Variants in DSE observed in about 807,000 individuals in gnomAD.
DSE encodes dermatan-sulfate epimerase.
A neutral mutation model predicts 84.4 loss-of-function variants in DSE; 36 were observed. That is an observed-to-expected ratio of 0.43 (90% CI 0.33 to 0.56). DSE has a LOEUF of 0.56. DSE is among the 20% of genes least tolerant of loss of function. DSE has a pLI of 0.06. For missense variants in DSE, 862 were observed against 1,169.6 expected, an observed-to-expected ratio of 0.74 and a Z score of 3.84; for synonymous variants, 410 against 430.1, an observed-to-expected ratio of 0.95 and a Z score of 0.58.
chr6:116,434,173 C>T (rs923274840), intron 5 of DSE, among the ~76,000 whole-genome samples: 7 of 151,954 alleles, frequency 4.6e-5, no homozygotes, highest in Non-Finnish European at 1.5e-5. Context: ...TCTTTTAAGC[C>T]CAGAAAGAGA....
intron 2 of DSE, among the ~76,000 whole-genome samples, chr6:116,295,262 G>A (rs566252792): frequency 2.0e-5 from 3 of 152,204 alleles, no homozygotes; most frequent in Non-Finnish European, 2.9e-5. Context: ...AAGGTGTGGA[G>A]GGTTGTGGGG....
chr6:116,328,943 A>C (rs1027190066), intron 2 of DSE, among the ~76,000 whole-genome samples: 2 of 152,104 alleles, frequency 1.3e-5, no homozygotes, highest in African/African-American at 4.8e-5. Context: ...ATAAAATAAT[A>C]ATAAAAGCCA....
At chr6:116,419,004 T>G (rs1011865855) in intron 2 of DSE, among the ~76,000 whole-genome samples, 6 of 152,158 alleles carry the variant, frequency 3.9e-5, no homozygotes, top group African/African-American at 7.2e-5. Flanking sequence ...CTCCTTTCCC[T>G]CCCTGTGCAT....
chr6:116,335,764 C>T (rs1016364717), intron 2 of DSE, among the ~76,000 whole-genome samples: 1 of 152,184 alleles, frequency 6.6e-6, no homozygotes, highest in Admixed American at 6.5e-5. Flanking sequence ...GCATAAGTTA[C>T]TACAAGTCAC....
chr6:116,273,103 T>C, intron 2 of DSE, among the ~76,000 whole-genome samples: 1 of 152,240 alleles, frequency 6.6e-6, no homozygotes, highest in East Asian at 1.9e-4. Flanking sequence ...GAGTAGTTTA[T>C]TTTGGGAAAT....
At chr6:116,299,551 T>TATATAC (rs1554209343) in intron 2 of DSE, among the ~76,000 whole-genome samples, 4 of 53,674 alleles carry the variant, frequency 7.5e-5, no homozygotes, top group African/African-American at 5.0e-4. Context: ...TATATATATA[T>TATATAC]ACACATACAC....
chr6:116,346,940 A>G (rs1227063452), intron 2 of DSE, among the ~76,000 whole-genome samples: 1 of 152,210 alleles, frequency 6.6e-6, no homozygotes, highest in African/African-American at 2.4e-5. Flanking sequence ...TACAAAATCA[A>G]TATGCAAAAA....
intron 2 of DSE, chr6:116,259,217 A>G (rs1466459507): frequency 1.6e-6 from 1 of 624,962 alleles, no homozygotes; most frequent in Non-Finnish European, 2.8e-6. Context: ...AAGGAAAAAT[A>G]AAAGGAAAGT....
At chr6:116,374,110 A>G (rs1295985216) in intron 1 of DSE, among the ~76,000 whole-genome samples, 1 of 151,990 alleles carries the variant, frequency 6.6e-6, no homozygotes. Context: ...TGTGTTGCTT[A>G]CTTCTGCCAT....
chr6:116,311,636 G>A (rs748730424), intron 2 of DSE, among the ~76,000 whole-genome samples: 2 of 152,208 alleles, frequency 1.3e-5, no homozygotes, highest in Non-Finnish European at 2.9e-5. Context: ...CTGAAATAAA[G>A]TGAAAAGGCC....
chr6:116,433,941 T>G (rs574724810), intron 5 of DSE, among the ~76,000 whole-genome samples: 1 of 152,302 alleles, frequency 6.6e-6, no homozygotes, highest in African/African-American at 2.4e-5. Flanking sequence ...TTTTACATCA[T>G]TTTTTGAAAG....
intron 2 of DSE, among the ~76,000 whole-genome samples, chr6:116,328,222 G>A (rs1373009359): frequency 6.6e-6 from 1 of 152,208 alleles, no homozygotes; most frequent in African/African-American, 2.4e-5. Context: ...TTGGTTAGGG[G>A]AGAGTCTGAT....
rs750569113 is a variant in DSE at position 116,258,476 on chromosome 6, G to A, written c.-545G>A. ...CCCTGAAGGGCAGACAGGTTTATTG[G>A]GCAACAGCTGGGAAAATCAGCGGTT... On this transcript the variant is annotated 5_prime_UTR_variant, in exon 2 of 4. Coordinates refer to the DSE transcript ENST00000430252. 5.0e-6 allele frequency: 5 copies of A among 998,338 alleles called. No homozygotes were observed. The South Asian group carries it at 6.4e-5, about 13-fold the overall frequency. 61.8% of individuals were successfully genotyped at this position (998,338 alleles called of 1,614,324 possible).
At chr6:116,432,830 C>T (rs941313170) in intron 4 of DSE, 12 of 154,654 alleles carry the variant, frequency 7.8e-5, no homozygotes, top group Admixed American at 4.4e-4. Flanking sequence ...AGGAGCTACT[C>T]CGGGAATTAA....
chr6:116,424,178 T>C (rs1029110160), intron 2 of DSE, among the ~76,000 whole-genome samples: 4 of 152,224 alleles, frequency 2.6e-5, no homozygotes, highest in Non-Finnish European at 4.4e-5. Context: ...ATGACCTGGC[T>C]TCCCTGCCTG....
chr6:116,395,411 C>A (rs1015912762), intron 1 of DSE, among the ~76,000 whole-genome samples: 3 of 149,762 alleles, frequency 2.0e-5, no homozygotes, highest in East Asian at 4.0e-4. Context: ...GGCGACAGAG[C>A]GAGACTCCGT....
chr6:116,356,517 TA>T (rs1778579722), intron 2 of DSE, among the ~76,000 whole-genome samples: 1 of 152,222 alleles, frequency 6.6e-6, no homozygotes, highest in Non-Finnish European at 1.5e-5. Flanking sequence ...TAAAGTTACA[TA>T]AGTGGCTTAC....
intron 2 of DSE, among the ~76,000 whole-genome samples, chr6:116,343,418 T>C (rs1401823140): frequency 3.3e-5 from 5 of 152,160 alleles, no homozygotes; most frequent in African/African-American, 7.2e-5. Context: ...TGACACCTCA[T>C]ACAGCCAGGT....
At chr6:116,411,147 A>G (rs1239902844) in intron 2 of DSE, among the ~76,000 whole-genome samples, 1 of 152,048 alleles carries the variant, frequency 6.6e-6, no homozygotes, top group Non-Finnish European at 1.5e-5. Flanking sequence ...TAACTTAAGA[A>G]TGGGTGTGTG....
Sources: gnomAD v4.1 joint callset for allele counts (sites outside exome capture counted in the v4.1 genomes callset) on GRCh38, gnomAD v4.1.1 for gene constraint, MANE v1.5 for transcripts, NCBI Gene and HGNC (gene_info 2026-07-23, HGNC 2026-07-21) for gene names.